BLTP1: variants seen among roughly 807,000 people sequenced by gnomAD.
BLTP1 encodes bridge-like lipid transfer protein family member 1.
At chr4:122,343,719 A>G in the BLTP1 span, 1 of 1,216,994 alleles carries the variant, frequency 8.2e-7, no homozygotes, top group Non-Finnish European at 1.1e-6. Context: ...TGCTTTTTGT[A>G]TTTTTCCTCT....
At chr4:122,339,520 T>C in the BLTP1 span, 2 of 737,230 alleles carry the variant, frequency 2.7e-6, no homozygotes, top group South Asian at 8.2e-5. Context: ...AAGGGGAATA[T>C]TTGAGGATTA....
At chr4:122,189,833 T>A in the BLTP1 span, 2 of 922,766 alleles carry the variant, frequency 2.2e-6, no homozygotes, top group Non-Finnish European at 2.6e-6. Context: ...CTTAGGATGA[T>A]TGTTCATTGG....
the BLTP1 span, among the ~76,000 whole-genome samples, chr4:122,270,767 C>G: frequency 6.6e-6 from 1 of 152,122 alleles, no homozygotes; most frequent in East Asian, 1.9e-4. Flanking sequence ...GAAATCATTT[C>G]TTAACATAAG....
the BLTP1 span, chr4:122,235,533 T>C: frequency 2.0e-3 from 1,939 of 961,640 alleles, 7 homozygotes; most frequent in East Asian, 9.0e-3. Context: ...TGGCCGGGCG[T>C]GGTGGCTCAC....
At chr4:122,197,613 T>C in the BLTP1 span, 1 of 210,108 alleles carries the variant, frequency 4.8e-6, no homozygotes, top group Non-Finnish European at 8.3e-6. Context: ...GTATTCTCAG[T>C]GCTGAACCCT....
the BLTP1 span, among the ~76,000 whole-genome samples, chr4:122,327,243 CCCA>C: frequency 0.21 from 31,616 of 151,052 alleles, 3,623 homozygotes; most frequent in African/African-American, 0.28. Context: ...TTCTAGGACC[CCCA>C]TGCATACCAA....
the BLTP1 span, among the ~76,000 whole-genome samples, chr4:122,324,953 T>C: frequency 4.2e-3 from 645 of 152,118 alleles, 2 homozygotes; most frequent in African/African-American, 0.014. Flanking sequence ...ATGGAAATTT[T>C]ACATTTTATT....
the BLTP1 span, chr4:122,259,980 A>G: frequency 2.5e-6 from 2 of 789,044 alleles, no homozygotes; most frequent in Non-Finnish European, 3.1e-6. Flanking sequence ...ACAAAGTAAT[A>G]TATAGTCATG....
the BLTP1 span, among the ~76,000 whole-genome samples, chr4:122,258,030 T>G: frequency 6.6e-6 from 1 of 152,214 alleles, no homozygotes; most frequent in Non-Finnish European, 1.5e-5. Flanking sequence ...TGCTTGATCC[T>G]GAATTTATGT....
At chr4:122,263,361 T>G in the BLTP1 span, 1 of 1,450,688 alleles carries the variant, frequency 6.9e-7, no homozygotes, top group East Asian at 2.5e-5. Flanking sequence ...AACTTGATTC[T>G]TCAAATATAG....
At chr4:122,254,769 C>A in the BLTP1 span, 1 of 1,459,466 alleles carries the variant, frequency 6.9e-7, no homozygotes, top group Admixed American at 2.6e-5. Flanking sequence ...CAAATTTTGA[C>A]ACTTGTTTTT....
At chr4:122,179,596 C>T in the BLTP1 span, among the ~76,000 whole-genome samples, 2 of 152,042 alleles carry the variant, frequency 1.3e-5, no homozygotes, top group Non-Finnish European at 2.9e-5. Flanking sequence ...TACCTGTACC[C>T]CAGTATTACA....
At chr4:122,219,366 G>C in the BLTP1 span, 1 of 1,613,732 alleles carries the variant, frequency 6.2e-7, no homozygotes, top group Non-Finnish European at 8.5e-7. Flanking sequence ...AAGATGACAT[G>C]TATATGGATT....
At chr4:122,314,066 G>A in the BLTP1 span, 1 of 970,876 alleles carries the variant, frequency 1.0e-6, no homozygotes, top group South Asian at 4.8e-5. Context: ...ATAAAAAGAA[G>A]AGAATATTTT....
the BLTP1 span, among the ~76,000 whole-genome samples, chr4:122,222,121 A>G: frequency 6.6e-6 from 1 of 152,176 alleles, no homozygotes; most frequent in Non-Finnish European, 1.5e-5. Flanking sequence ...TTGACAACTT[A>G]CCCCGAAGAC....
At chr4:122,210,927 A>G in the BLTP1 span, 12 of 1,613,516 alleles carry the variant, frequency 7.4e-6, no homozygotes, top group South Asian at 1.1e-4. Context: ...TATTAAGGCC[A>G]TCCCAGAAGA....
At chr4:122,276,769 T>G in the BLTP1 span, 3 of 969,822 alleles carry the variant, frequency 3.1e-6, no homozygotes, top group Non-Finnish European at 3.7e-6. Context: ...TGAGAAATAG[T>G]GTCTTGTGGA....
the BLTP1 span, chr4:122,299,172 C>G: frequency 5.1e-6 from 5 of 981,614 alleles, no homozygotes; most frequent in Non-Finnish European, 6.0e-6. Context: ...AAGGAAGGAC[C>G]AAATGCTGAT....
chr4:122,194,925 A>G, the BLTP1 span, among the ~76,000 whole-genome samples: 1 of 152,168 alleles, frequency 6.6e-6, no homozygotes, highest in East Asian at 1.9e-4. Flanking sequence ...GAAAAAAAAA[A>G]GAAATCTATT....
Sources: gnomAD v4.1 joint callset for allele counts (sites outside exome capture counted in the v4.1 genomes callset) on GRCh38, gnomAD v4.1.1 for gene constraint, MANE v1.5 for transcripts, NCBI Gene and HGNC (gene_info 2026-07-23, HGNC 2026-07-21) for gene names.